Variants in MICAL2 observed in about 807,000 individuals in gnomAD.
The protein encoded by MICAL2 is [F-actin]-monooxygenase MICAL2.
Under a neutral mutation model 127.3 loss-of-function variants are expected in MICAL2, and 77 were observed. That is an observed-to-expected ratio of 0.60 (90% CI 0.50 to 0.73). MICAL2 has a LOEUF of 0.73. MICAL2 is among the 30% of genes least tolerant of loss of function. The pLI is 0.00. For synonymous variants in MICAL2, 570 were observed against 551.1 expected, an observed-to-expected ratio of 1.03 and a Z score of -0.48; for missense variants, 1,351 against 1,434.4, an observed-to-expected ratio of 0.94 and a Z score of 0.94.
At chr11:12,202,829 C>T (rs1854194369) in intron 3 of MICAL2, among the ~76,000 whole-genome samples, 1 of 152,140 alleles carries the variant, frequency 6.6e-6, no homozygotes. Flanking sequence ...TCTTATAGTA[C>T]ACAATTCAGT....
intron 2 of MICAL2, among the ~76,000 whole-genome samples, chr11:12,281,391 C>T (rs1863769457): frequency 6.6e-6 from 1 of 152,168 alleles, no homozygotes; most frequent in African/African-American, 2.4e-5. Flanking sequence ...CCGCAGGTCT[C>T]TCTTGCCTGG....
chr11:12,143,317 T>G (rs1430148813), intron 2 of MICAL2, among the ~76,000 whole-genome samples: 2 of 152,186 alleles, frequency 1.3e-5, no homozygotes, highest in Non-Finnish European at 2.9e-5. Context: ...GAATGAGACA[T>G]TCAGTTGAGA....
At chr11:12,186,335 C>G (rs1430066621) in intron 3 of MICAL2, among the ~76,000 whole-genome samples, 2 of 151,846 alleles carry the variant, frequency 1.3e-5, no homozygotes, top group Non-Finnish European at 2.9e-5. Flanking sequence ...GGGCCTTAGA[C>G]CCTTTAAAAG....
chr11:12,168,931 A>G (rs1855884158), intron 3 of MICAL2, among the ~76,000 whole-genome samples: 1 of 142,600 alleles, frequency 7.0e-6, no homozygotes. Flanking sequence ...TGGGCAACAG[A>G]GCAAGATCCT....
At chr11:12,222,222 G>T (rs929031488) in intron 10 of MICAL2, among the ~76,000 whole-genome samples, 2 of 152,176 alleles carry the variant, frequency 1.3e-5, no homozygotes, top group African/African-American at 4.8e-5. Flanking sequence ...CTGGTGGACG[G>T]GGGGAGGTCA....
chr11:12,300,556 T>A (rs1004070666), intron 29 of MICAL2, among the ~76,000 whole-genome samples: 1 of 152,086 alleles, frequency 6.6e-6, no homozygotes, highest in Non-Finnish European at 1.5e-5. Flanking sequence ...GTAGTAAATT[T>A]GCTGTGGTGT....
intron 10 of MICAL2, 70 bp downstream of exon 10, chr11:12,221,829 C>A: frequency 8.2e-7 from 1 of 1,225,432 alleles, no homozygotes; most frequent in Non-Finnish European, 1.2e-6. Context: ...CAAGATCACC[C>A]CGCAGGTGAC....
At chr11:12,281,433 C>T (rs1457439353) in intron 2 of MICAL2, among the ~76,000 whole-genome samples, 1 of 152,122 alleles carries the variant, frequency 6.6e-6, no homozygotes, top group African/African-American at 2.4e-5. Flanking sequence ...TGTATGGGCA[C>T]CTCCTTAGGG....
At chr11:12,185,435 T>C (rs2133980093) in intron 3 of MICAL2, among the ~76,000 whole-genome samples, 1 of 152,294 alleles carries the variant, frequency 6.6e-6, no homozygotes, top group East Asian at 1.9e-4. Context: ...TCTCTCCTTA[T>C]ATCCTTTCAT....
rs57280679 is a variant in MICAL2 at position 12,304,637 on chromosome 11, A to AACAC, written c.5212+9834_5212+9837dup. On this transcript the variant is annotated intron_variant, in intron 29 of 34. Transcript: ENST00000646065. ...GCAACAAGAGCGAAACTCTGTCTCA[A>AACAC]ACACACACACACACACACACACACA... Among the ~76,000 whole-genome samples the AACAC allele has an allele frequency of 6.4e-4, 82 of 128,868 alleles. 1 individual carries two copies. Among genetic ancestry groups the AACAC allele is most frequent in the South Asian group, 1.9e-3 (7 of 3,772 alleles). The allele number at this position is 128,868 out of a possible 152,430, so 84.5% of individuals were successfully genotyped here.
chr11:12,271,614 G>A (rs1209869317), upstream of MICAL2, among the ~76,000 whole-genome samples: 1 of 152,158 alleles, frequency 6.6e-6, no homozygotes, highest in Non-Finnish European at 1.5e-5. Flanking sequence ...AAGGCATATG[G>A]GCACTCGATG....
At chr11:12,264,115 T>C (rs1343989854), downstream of MICAL2, among the ~76,000 whole-genome samples, 1 of 152,154 alleles carries the variant, frequency 6.6e-6, no homozygotes, top group Non-Finnish European at 1.5e-5. Flanking sequence ...CCTTTACCCG[T>C]TTCCCCCGCA....
At chr11:12,261,620 G>T (rs1339412392) in intron 26 of MICAL2, 1 of 985,344 alleles carries the variant, frequency 1.0e-6, no homozygotes, top group African/African-American at 1.7e-5. Flanking sequence ...TAACTAAGAG[G>T]TGTGCCTGGG....
At chr11:12,169,400 T>C (rs1393670768) in intron 3 of MICAL2, among the ~76,000 whole-genome samples, 6 of 128,334 alleles carry the variant, frequency 4.7e-5, no homozygotes, top group Admixed American at 4.0e-4. Flanking sequence ...ATTTATTTAT[T>C]TTTGAGATGG....
intron 13 of MICAL2, among the ~76,000 whole-genome samples, chr11:12,225,245 C>G (rs1857276273): frequency 6.6e-6 from 1 of 152,194 alleles, no homozygotes; most frequent in Admixed American, 6.5e-5. Context: ...TTGGGCAAGC[C>G]ACTTACCTTC....
chr11:12,230,078 A>G (rs564786292), intron 15 of MICAL2, among the ~76,000 whole-genome samples: 2 of 152,290 alleles, frequency 1.3e-5, no homozygotes, highest in South Asian at 4.1e-4. Context: ...CTTGGCCATC[A>G]CTGAAATACC....
At chr11:12,225,834 C>T in intron 13 of MICAL2, 1 of 302,910 alleles carries the variant, frequency 3.3e-6, no homozygotes, top group South Asian at 3.8e-5. Flanking sequence ...TACAAGATGC[C>T]CATTTTACTT....
At chr11:12,345,997 A>G (rs901371349) in intron 32 of MICAL2, among the ~76,000 whole-genome samples, 25 of 152,244 alleles carry the variant, frequency 1.6e-4, no homozygotes, top group African/African-American at 5.8e-4. Flanking sequence ...AAGGTCTGTC[A>G]TGTAAAATAT....
intron 3 of MICAL2, among the ~76,000 whole-genome samples, chr11:12,170,945 G>A (rs1856178358): frequency 2.6e-5 from 4 of 152,210 alleles, no homozygotes; most frequent in South Asian, 4.1e-4. Flanking sequence ...AGCGAACTCT[G>A]TGGCTCAAAG....
Sources: gnomAD v4.1 joint callset for allele counts (sites outside exome capture counted in the v4.1 genomes callset) on GRCh38, gnomAD v4.1.1 for gene constraint, MANE v1.5 for transcripts, NCBI Gene and HGNC (gene_info 2026-07-23, HGNC 2026-07-21) for gene names.